CCT8: variants seen among roughly 807,000 people sequenced by gnomAD.
The protein encoded by CCT8 is T-complex protein 1 subunit theta.
CCT8 carries 10 observed loss-of-function variants against 65.7 expected under a neutral mutation model. The observed-to-expected ratio is 0.15, with a 90% CI of 0.09 to 0.26. The LOEUF (loss-of-function observed/expected upper bound fraction) is 0.26, where lower values mean the gene tolerates loss of function less well. Ranked by LOEUF, CCT8 falls within the 10% of genes least tolerant of loss-of-function variation. The pLI is 1.00. For missense variants in CCT8, 568 were observed against 669.1 expected, an observed-to-expected ratio of 0.85 and a Z score of 1.67; for synonymous variants, 199 against 221.8, an observed-to-expected ratio of 0.90 and a Z score of 0.92.
chr21:29,060,363 T>C (rs573132072), intron 14 of CCT8, among the ~76,000 whole-genome samples, 178 bp downstream of exon 14: 15 of 152,146 alleles, frequency 9.9e-5, no homozygotes, highest in Admixed American at 3.9e-4. Context: ...GAAAGTTATA[T>C]ATTCAATACA....
chr21:29,063,632 A>C, intron 7 of CCT8, 102 bp from the exon 8 acceptor site: 1 of 1,087,688 alleles, frequency 9.2e-7, no homozygotes. Context: ...TTGGCAAAAA[A>C]ATATGAAGAT....
At chr21:29,061,633 A>C in intron 11 of CCT8, 66 bp from the exon 12 acceptor site, 1 of 1,505,764 alleles carries the variant, frequency 6.6e-7, no homozygotes, top group Non-Finnish European at 9.2e-7. Flanking sequence ...ATCAGTTTGC[A>C]GTTTTCTAAT....
chr21:29,073,413 C>T (rs1430476504), intron 1 of CCT8, 118 bp downstream of exon 1: 5 of 1,546,848 alleles, frequency 3.2e-6, no homozygotes, highest in Non-Finnish European at 4.4e-6. Flanking sequence ...ATCTTCTCTT[C>T]CCCCGGCCGC....
intron 8 of CCT8, chr21:29,062,891 A>C: frequency 2.8e-6 from 1 of 359,604 alleles, no homozygotes. Flanking sequence ...CAGCATATAG[A>C]AAATTTTTGC....
chr21:29,063,006 G>A (rs2085581086), intron 8 of CCT8: 2 of 346,374 alleles, frequency 5.8e-6, no homozygotes, highest in Admixed American at 4.5e-5. Flanking sequence ...GTTGTCTAGT[G>A]TGCACCATAA....
rs759471310 is a variant in CCT8 at position 29,062,218 on chromosome 21, G to A, written c.1122C>T (p.Thr374=). Residue 374 remains threonine (T), a synonymous_variant, in exon 11 of 15, where the codon ACC becomes ACT. Coordinates refer to ENST00000286788, the MANE Select transcript of CCT8 (RefSeq NM_006585.4). ...TGTCTGTAGAGCCTCGAAGTACTAT[G>A]GTAGAAATGGCGCCATCTTCCTTTT... The part of the protein sequence containing the change: ...KHEKEDGAIS[T]IVLRGSTDNL... 12 of 1,613,510 alleles carry A rather than the reference G, an allele frequency of 7.4e-6. No homozygotes were observed. Among genetic ancestry groups the A allele is most frequent in the Non-Finnish European group, 1.0e-5 (12 of 1,179,702 alleles).
At chr21:29,070,116 A>C in intron 2 of CCT8, 131 bp downstream of exon 2, 1 of 495,382 alleles carries the variant, frequency 2.0e-6, no homozygotes, top group Non-Finnish European at 3.5e-6. Flanking sequence ...AAAAATTGGA[A>C]ATGAACTATC....
At position 29,060,762 on chromosome 21, in the gene CCT8, T is replaced by C. The variant is rs2085554272; in HGVS notation, c.1450-102A>G. 1.2e-5 allele frequency: 15 copies of C among 1,267,876 alleles called. 1 individual carries two copies. The South Asian group carries it at 2.0e-4, about 17-fold the overall frequency. The allele number at this position is 1,267,876 out of a possible 1,614,324, so 78.5% of individuals were successfully genotyped here. A position where few individuals can be genotyped will look rare whatever the true frequency, so the allele number is the denominator to read the frequency against. On this transcript the variant is annotated intron_variant, in intron 13 of 14. Transcript: ENST00000286788. Reference sequence around the variant, plus strand: ...TAGCTCCTTAAATAGTACTGGAAAGTAACCAAGCACAGTCCTACCTTATAG... The same window carrying C: ...TAGCTCCTTAAATAGTACTGGAAAGCAACCAAGCACAGTCCTACCTTATAG...
rs767635049 is a variant in CCT8 at position 29,073,552 on chromosome 21, C to G, written c.39G>C (p.Gln13His). 2.5e-6 allele frequency: 4 copies of G among 1,614,084 alleles called. No individual in the cohort carries two copies. The highest frequency in any genetic ancestry group is 2.7e-5 in the African/African-American group (2 of 74,940). Residue 13 changes from glutamine (Q) to histidine (H), a missense_variant, in exon 1 of 15, where the codon CAG becomes CAC. By Grantham distance (24) the Gln-to-His change is conservative. Transcript: ENST00000286788. ...TTACTTTCGCTCCCTCCTTGAGCAT[C>G]TGGGCAAAGCCCGGAGCCTTGGGAA... Reference protein sequence around the residue: ...LHVPKAPGFAQMLKEGAKHFS... With the variant: ...LHVPKAPGFAHMLKEGAKHFS...
chr21:29,058,765 G>GT (rs757582901), intron 14 of CCT8, among the ~76,000 whole-genome samples: 38 of 150,496 alleles, frequency 2.5e-4, no homozygotes, highest in South Asian at 1.1e-3. Flanking sequence ...CTAATTTTTT[G>GT]TTTTTTTTAG....
In CCT8 at chr21:29,072,961, C is replaced by T. The variant is rs562903809; in HGVS notation, c.60+570G>A. On this transcript the variant is annotated intron_variant, in intron 1 of 14. Transcript: ENST00000286788. ...CAAGAAAGTTACATTTTAGATTAAG[C>T]CAGCTAACATAAGTTGGGACCGGAA... 4.6e-5 allele frequency among the ~76,000 whole-genome samples: 7 copies of T among 152,308 alleles called. No individual in the cohort carries two copies. In the South Asian group the frequency reaches 1.5e-3, roughly 32 times the overall value.
intron 2 of CCT8, among the ~76,000 whole-genome samples, chr21:29,069,953 C>T (rs2085663577): frequency 6.6e-6 from 1 of 152,140 alleles, no homozygotes; most frequent in Non-Finnish European, 1.5e-5. Context: ...AACTATGTCA[C>T]TTTTATATTT....
intron 2 of CCT8, among the ~76,000 whole-genome samples, 190 bp downstream of exon 2, chr21:29,070,057 C>G (rs2085664333): frequency 6.6e-6 from 1 of 151,968 alleles, no homozygotes; most frequent in South Asian, 2.1e-4. Context: ...AATATATTGA[C>G]CCCCATTTTT....
intron 6 of CCT8, among the ~76,000 whole-genome samples, chr21:29,066,474 G>A (rs934325642): frequency 2.0e-5 from 3 of 152,182 alleles, no homozygotes; most frequent in Admixed American, 1.3e-4. Flanking sequence ...GGGAGGCGGA[G>A]GTTGCGGTGA....
At chr21:29,056,582 G>A (rs1182411142) in intron 14 of CCT8, 30 bp from the exon 15 acceptor site, 5 of 1,389,522 alleles carry the variant, frequency 3.6e-6, no homozygotes, top group Non-Finnish European at 3.9e-6. Context: ...ACAAGAGTAT[G>A]CTTATCAACT....
rs1269553169 is a variant in CCT8, at chr21:29,071,991, G to A, written c.60+1540C>T. On this transcript the variant is annotated intron_variant, in intron 1 of 14. Transcript: ENST00000286788. Reference sequence around the variant, plus strand: ...TTGGTAAGCTTCAGCCCTACAACCTGTTGTTGTTGTTGTTGTTTTAAAAAA... The same window carrying A: ...TTGGTAAGCTTCAGCCCTACAACCTATTGTTGTTGTTGTTGTTTTAAAAAA... 1.0e-5 allele frequency: 7 copies of A among 672,662 alleles called. No individual in the cohort carries two copies. The East Asian group carries it at 1.6e-4, about 16-fold the overall frequency. 41.7% of individuals were successfully genotyped at this position (672,662 alleles called of 1,614,324 possible).
At chr21:29,056,890 T>C (rs1222405193) in intron 14 of CCT8, among the ~76,000 whole-genome samples, 1 of 152,196 alleles carries the variant, frequency 6.6e-6, no homozygotes, top group Admixed American at 6.5e-5. Context: ...GGCACCTGAT[T>C]TGCTATTTAT....
At chr21:29,073,052 GC>G (rs576554403) in intron 1 of CCT8, among the ~76,000 whole-genome samples, 18 of 152,216 alleles carry the variant, frequency 1.2e-4, no homozygotes, top group Non-Finnish European at 2.6e-4. Context: ...TCACTGGGAA[GC>G]AAGCAACCAA....
At chr21:29,073,223 G>A in intron 1 of CCT8, 2 of 1,229,012 alleles carry the variant, frequency 1.6e-6, no homozygotes, top group Non-Finnish European at 2.1e-6. Flanking sequence ...AAGGGTGACG[G>A]GCCTTAGCCC....
Sources: gnomAD v4.1 joint callset for allele counts (sites outside exome capture counted in the v4.1 genomes callset) on GRCh38, gnomAD v4.1.1 for gene constraint, MANE v1.5 for transcripts, NCBI Gene and HGNC (gene_info 2026-07-23, HGNC 2026-07-21) for gene names.